Variants in LSAMP observed in about 807,000 individuals in gnomAD.
LSAMP encodes limbic system associated membrane protein.
In LSAMP, 7 loss-of-function variants were observed where a neutral mutation model predicts 38.6. The ratio of observed to expected loss-of-function variants is 0.18; its 90% CI spans 0.10 to 0.34. LSAMP has a LOEUF of 0.34. Among genes scored for constraint, LSAMP ranks in the 10% least tolerant of loss-of-function variants. The probability of loss-of-function intolerance (pLI) is 1.00; values close to 1 mark genes in which losing one functional copy is unlikely to be tolerated. For missense variants in LSAMP, 313 were observed against 420.0 expected (o/e 0.75, Z 2.23); for synonymous variants, 154 against 166.8 (o/e 0.92, Z 0.59).
At chr3:116,350,319 T>A (rs1455574428) in intron 1 of LSAMP, among the ~76,000 whole-genome samples, 1 of 152,132 alleles carries the variant, frequency 6.6e-6, no homozygotes, top group Non-Finnish European at 1.5e-5. Context: ...ACACAAATAC[T>A]AATTGCTGAA....
At chr3:116,169,317 A>C (rs1710138697) in intron 1 of LSAMP, among the ~76,000 whole-genome samples, 1 of 152,220 alleles carries the variant, frequency 6.6e-6, no homozygotes, top group African/African-American at 2.4e-5. Flanking sequence ...TTCTCCCAAA[A>C]TGGCTGTAGT....
chr3:116,124,244 A>G (rs1406407550), intron 1 of LSAMP, among the ~76,000 whole-genome samples: 1 of 152,128 alleles, frequency 6.6e-6, no homozygotes, highest in Non-Finnish European at 1.5e-5. Flanking sequence ...AATTTTTTCC[A>G]TTGAAATTTG....
intron 1 of LSAMP, among the ~76,000 whole-genome samples, chr3:116,369,677 A>G (rs1303103620): frequency 6.6e-6 from 1 of 152,212 alleles, no homozygotes; most frequent in African/African-American, 2.4e-5. Context: ...CAAAAAATCC[A>G]TACATTAACA....
chr3:115,935,348 G>A (rs1937663405), intron 3 of LSAMP, among the ~76,000 whole-genome samples: 1 of 152,134 alleles, frequency 6.6e-6, no homozygotes, highest in East Asian at 1.9e-4. Context: ...TGAAAGAGGT[G>A]TGGCCGGGTG....
At chr3:115,915,282 C>G (rs1412797003) in intron 3 of LSAMP, among the ~76,000 whole-genome samples, 2 of 152,156 alleles carry the variant, frequency 1.3e-5, no homozygotes, top group Non-Finnish European at 2.9e-5. Flanking sequence ...TGGGCAATAT[C>G]TTGCTGATGA....
intron 2 of LSAMP, among the ~76,000 whole-genome samples, chr3:116,025,271 G>C (rs1030423044): frequency 6.6e-6 from 1 of 151,896 alleles, no homozygotes; most frequent in African/African-American, 2.4e-5. Context: ...AATCTATTCA[G>C]TTTCAGTGAT....
chr3:115,888,493 C>T lies in LSAMP; in HGVS notation c.515-35876G>A, dbSNP rs183819762. On this transcript the variant is annotated intron_variant, in intron 3 of 6. Transcript: ENST00000490035. Reference sequence around the variant, plus strand: ...CCAGTCTTCTGGTATAAATCATCCCCCATGCTGTCCAGAGTTCCAAGCATC... The same window carrying T: ...CCAGTCTTCTGGTATAAATCATCCCTCATGCTGTCCAGAGTTCCAAGCATC... 6.3e-4 allele frequency among the ~76,000 whole-genome samples: 96 copies of T among 152,008 alleles called. 1 individual carries two copies. The Middle Eastern group carries it at 0.014, about 22-fold the overall frequency.
intron 3 of LSAMP, among the ~76,000 whole-genome samples, chr3:115,875,268 T>C (rs936782296): frequency 6.6e-6 from 1 of 152,286 alleles, no homozygotes; most frequent in Admixed American, 6.5e-5. Flanking sequence ...GTCCCAAATA[T>C]ATTCTTTAAC....
chr3:116,143,665 C>G (rs1486420769), intron 1 of LSAMP, among the ~76,000 whole-genome samples: 1 of 151,868 alleles, frequency 6.6e-6, no homozygotes, highest in African/African-American at 2.4e-5. Context: ...ATTTTCCTGC[C>G]TTGTCTTTGT....
intron 1 of LSAMP, among the ~76,000 whole-genome samples, chr3:116,176,431 A>T (rs1482475567): frequency 6.6e-6 from 1 of 152,142 alleles, no homozygotes; most frequent in Non-Finnish European, 1.5e-5. Flanking sequence ...AGCAATTAGC[A>T]CCATTCCATC....
intron 1 of LSAMP, among the ~76,000 whole-genome samples, chr3:116,300,870 A>G (rs982132448): frequency 3.3e-5 from 5 of 152,130 alleles, no homozygotes; most frequent in Admixed American, 3.3e-4. Flanking sequence ...CAAAAGACCA[A>G]TCCAACCTCT....
chr3:115,822,086 A>G (rs1485716448), intron 6 of LSAMP, among the ~76,000 whole-genome samples: 1 of 152,132 alleles, frequency 6.6e-6, no homozygotes, highest in Non-Finnish European at 1.5e-5. Flanking sequence ...ACTTGTAAAT[A>G]TTATTTTTTT....
At chr3:115,873,394 A>G (rs1559861652) in intron 3 of LSAMP, among the ~76,000 whole-genome samples, 1 of 149,890 alleles carries the variant, frequency 6.7e-6, no homozygotes. Context: ...AAAAAAAAAA[A>G]GTCTATGCTT....
intron 3 of LSAMP, among the ~76,000 whole-genome samples, chr3:115,883,858 C>T (rs899593302): frequency 1.3e-5 from 2 of 151,436 alleles, no homozygotes; most frequent in African/African-American, 4.9e-5. Context: ...TATGAGGGGA[C>T]ACAGTGAAAG....
intron 3 of LSAMP, among the ~76,000 whole-genome samples, chr3:115,971,486 T>G (rs561396581): frequency 1.3e-5 from 2 of 152,296 alleles, no homozygotes; most frequent in South Asian, 4.1e-4. Context: ...AGAGTCCTCT[T>G]ATTTCTAGTG....
intron 3 of LSAMP, among the ~76,000 whole-genome samples, chr3:115,973,624 C>T (rs956638478): frequency 6.6e-6 from 1 of 151,866 alleles, no homozygotes; most frequent in Admixed American, 6.6e-5. Flanking sequence ...ATCCCAGCGA[C>T]TTGGGAGGCT....
chr3:116,078,831 C>T (rs1172499526), intron 2 of LSAMP, among the ~76,000 whole-genome samples: 1 of 151,990 alleles, frequency 6.6e-6, no homozygotes, highest in Non-Finnish European at 1.5e-5. Flanking sequence ...TTATATTGTT[C>T]CTTCCTTGCC....
chr3:116,223,405 A>C (rs1400386747), intron 1 of LSAMP, among the ~76,000 whole-genome samples: 1 of 152,236 alleles, frequency 6.6e-6, no homozygotes. Flanking sequence ...ATAATAATCA[A>C]AAATTAGAAC....
At chr3:116,066,226 G>A (rs967841594) in intron 2 of LSAMP, among the ~76,000 whole-genome samples, 2 of 152,126 alleles carry the variant, frequency 1.3e-5, no homozygotes, top group Non-Finnish European at 2.9e-5. Flanking sequence ...TTTTACAGAG[G>A]CACTAATCCC....
Sources: gnomAD v4.1 joint callset for allele counts (sites outside exome capture counted in the v4.1 genomes callset) on GRCh38, gnomAD v4.1.1 for gene constraint, MANE v1.5 for transcripts, NCBI Gene and HGNC (gene_info 2026-07-23, HGNC 2026-07-21) for gene names.